The following CNNM2 variants were observed in gnomAD, a reference collection of about 807,000 sequenced individuals.
CNNM2 encodes the protein metal transporter CNNM2.
Under a neutral mutation model 66.9 loss-of-function variants are expected in CNNM2, and 12 were observed. That is an observed-to-expected ratio of 0.18 (90% CI 0.11 to 0.29). The LOEUF (loss-of-function observed/expected upper bound fraction) is 0.29, where lower values mean the gene tolerates loss of function less well. CNNM2 is among the 10% of genes least tolerant of loss of function. The probability of loss-of-function intolerance (pLI) is 1.00; values close to 1 mark genes in which losing one functional copy is unlikely to be tolerated. For synonymous variants in CNNM2, 557 were observed against 501.8 expected (o/e 1.11, Z -1.47); for missense variants, 705 against 1,167.7 (o/e 0.60, Z 5.77).
chr10:102,946,344 C>G (rs1353704318), intron 1 of CNNM2, among the ~76,000 whole-genome samples: 2 of 152,096 alleles, frequency 1.3e-5, no homozygotes, highest in South Asian at 2.1e-4. Context: ...TTGACTGGCT[C>G]TTAGGATTCT....
chr10:102,922,976 A>G (rs1259626802), intron 1 of CNNM2, among the ~76,000 whole-genome samples: 2 of 151,452 alleles, frequency 1.3e-5, no homozygotes, highest in East Asian at 3.9e-4. Context: ...TGTCCTTCCT[A>G]GTTAAGAACT....
At position 103,050,387 on chromosome 10, in the gene CNNM2, T is replaced by C. The variant is rs536442375; in HGVS notation, c.1765+537T>C. 2.6e-5 allele frequency among the ~76,000 whole-genome samples: 4 copies of C among 152,096 alleles called. No individual in the cohort carries two copies. In the South Asian group the frequency reaches 8.3e-4, roughly 32 times the overall value. ...TCTTTACTAAAGATACAAAATTAGC[T>C]GGGCGTAGTGGTAGTGGTGCATGCC... is the stretch of plus-strand genomic sequence containing the variant. On this transcript the variant is annotated intron_variant, in intron 2 of 7. Transcript: ENST00000369878.
rs1162539555 is a variant in CNNM2, at chr10:102,920,193, G to T, written c.1621+92G>T. 3 of 1,609,862 alleles carry T rather than the reference G, an allele frequency of 1.9e-6. No individual in the cohort carries two copies. In the African/African-American group the frequency reaches 4.0e-5, roughly 22 times the overall value. On this transcript the variant is annotated intron_variant, in intron 1 of 7. Transcript: ENST00000369878. ...CTCTACCCTCAGACCAACCCCCCAA[G>T]GCGAGTTGACCGGGATTTCTCCTTC...
In CNNM2 at chr10:103,082,079, T is replaced by C. The variant is rs2065762788; in HGVS notation, c.*4899T>C. The C allele has an allele frequency of 6.6e-6, 1 of 152,256 alleles. No individual in the cohort carries two copies. The highest frequency in any genetic ancestry group is 2.4e-5 in the African/African-American group (1 of 41,468). The allele number at this position is 152,256 out of a possible 1,614,324, so 9.4% of individuals were successfully genotyped here. A position where few individuals can be genotyped will look rare whatever the true frequency, so the allele number is the denominator to read the frequency against. On this transcript the variant is annotated 3_prime_UTR_variant, in exon 8 of 8. Transcript: ENST00000369878. ...AAGAGAGTAAAGTTCTAGGTGTTTGTATGCCAAGGTTTATATGTACACAGA... is the reference window on the plus strand; with the variant it reads ...AAGAGAGTAAAGTTCTAGGTGTTTGCATGCCAAGGTTTATATGTACACAGA...
At chr10:102,933,588 G>A (rs1846132486) in intron 1 of CNNM2, among the ~76,000 whole-genome samples, 1 of 152,076 alleles carries the variant, frequency 6.6e-6, no homozygotes, top group Non-Finnish European at 1.5e-5. Flanking sequence ...TAATTTGCTT[G>A]TAGTGGATTT....
intron 1 of CNNM2, among the ~76,000 whole-genome samples, chr10:103,022,079 A>C (rs1033022855): frequency 1.3e-5 from 2 of 152,198 alleles, no homozygotes; most frequent in African/African-American, 4.8e-5. Context: ...TCATCATGGG[A>C]CTGAAGCAGC....
At chr10:103,066,207 T>A (rs552172352) in intron 4 of CNNM2, among the ~76,000 whole-genome samples, 6 of 152,094 alleles carry the variant, frequency 3.9e-5, no homozygotes, top group Non-Finnish European at 8.8e-5. Flanking sequence ...ATGGTCCTGT[T>A]ATGGTTTCAG....
rs183268979 is a variant in CNNM2, at chr10:103,052,600, G to A, written c.1766-1729G>A. 1.5e-3 allele frequency among the ~76,000 whole-genome samples: 222 copies of A among 150,598 alleles called. 1 individual carries two copies. The highest frequency in any genetic ancestry group is 5.1e-3 in the African/African-American group (210 of 40,956). ...GCAATCTCACCTCACTGCAACCTCCGCCTCCTGGGTTCAAGGGAGTCTCCT... is the reference window on the plus strand; with the variant it reads ...GCAATCTCACCTCACTGCAACCTCCACCTCCTGGGTTCAAGGGAGTCTCCT... On this transcript the variant is annotated intron_variant, in intron 2 of 7. Coordinates refer to ENST00000369878, the MANE Select transcript of CNNM2 (RefSeq NM_017649.5).
At chr10:103,069,139 G>T (rs545616879) in intron 5 of CNNM2, among the ~76,000 whole-genome samples, 1 of 152,186 alleles carries the variant, frequency 6.6e-6, no homozygotes, top group Non-Finnish European at 1.5e-5. Flanking sequence ...CACCTCTGTT[G>T]CTGTGTGTGA....
At chr10:102,967,986 C>T (rs550407961) in intron 1 of CNNM2, among the ~76,000 whole-genome samples, 2 of 152,190 alleles carry the variant, frequency 1.3e-5, no homozygotes, top group Non-Finnish European at 2.9e-5. Flanking sequence ...CCAGCCTGAG[C>T]GACACAGTGA....
chr10:102,972,357 C>G (rs562158343), intron 1 of CNNM2, among the ~76,000 whole-genome samples: 1 of 152,250 alleles, frequency 6.6e-6, no homozygotes, highest in South Asian at 2.1e-4. Context: ...AGCTTCCTGG[C>G]CAGGCACGGT....
chr10:102,938,164 G>A (rs1251833474), intron 1 of CNNM2, among the ~76,000 whole-genome samples: 4 of 151,406 alleles, frequency 2.6e-5, no homozygotes, highest in Admixed American at 6.6e-5. Flanking sequence ...GGCCGGGTGC[G>A]GTGGCACGTA....
chr10:102,934,652 G>A (rs943421893), intron 1 of CNNM2, among the ~76,000 whole-genome samples: 1 of 152,002 alleles, frequency 6.6e-6, no homozygotes, highest in Non-Finnish European at 1.5e-5. Flanking sequence ...ACTTGGGATT[G>A]GAGATAAGCA....
intron 1 of CNNM2, among the ~76,000 whole-genome samples, chr10:102,965,710 T>A (rs967143467): frequency 1.3e-5 from 2 of 152,208 alleles, no homozygotes; most frequent in African/African-American, 4.8e-5. Context: ...AGGGTTAAAT[T>A]CCATCTGACG....
rs1172217183 is a variant in CNNM2, at chr10:103,084,652, ACT to A, written c.*7474_*7475del. The A allele has an allele frequency of 3.3e-5, 5 of 151,450 alleles. No homozygotes were observed. The highest frequency in any genetic ancestry group is 1.2e-4 in the African/African-American group (5 of 41,132). 9.4% of individuals were successfully genotyped at this position (151,450 alleles called of 1,614,324 possible). On this transcript the variant is annotated 3_prime_UTR_variant, in exon 8 of 8. Transcript: ENST00000369878. The stretch of plus-strand genomic sequence containing the variant: ...GCTGTCAAGATGAGATTTGCCTAAA[ACT>A]CCCCCCTGCATCCTCAGAGTGCGCA...
chr10:103,045,924 C>T (rs1291818654), intron 1 of CNNM2, among the ~76,000 whole-genome samples: 7 of 152,190 alleles, frequency 4.6e-5, no homozygotes, highest in African/African-American at 1.2e-4. Flanking sequence ...GGATTACAGG[C>T]GTGAGCCATT....
At chr10:102,982,677 T>C (rs2063736673) in intron 1 of CNNM2, among the ~76,000 whole-genome samples, 2 of 151,940 alleles carry the variant, frequency 1.3e-5, no homozygotes, top group African/African-American at 4.9e-5. Context: ...AGTGTATTAA[T>C]TTGACTCTGG....
chr10:103,011,014 A>C (rs1439403086), intron 1 of CNNM2, among the ~76,000 whole-genome samples: 1 of 152,236 alleles, frequency 6.6e-6, no homozygotes, highest in African/African-American at 2.4e-5. Context: ...TTCATTTTGA[A>C]AAAAGTAGTA....
At chr10:102,952,970 C>A (rs939135255) in intron 1 of CNNM2, among the ~76,000 whole-genome samples, 6 of 152,140 alleles carry the variant, frequency 3.9e-5, no homozygotes, top group Admixed American at 2.6e-4. Flanking sequence ...TGCAGGGAAA[C>A]TTGGAATTAT....
Sources: allele counts gnomAD v4.1 joint callset (sites outside exome capture counted in the v4.1 genomes callset), GRCh38; gene constraint gnomAD v4.1.1; transcripts MANE v1.5; gene names NCBI Gene and HGNC (gene_info 2026-07-23, HGNC 2026-07-21).